The following USP54 variants were observed in gnomAD, a reference collection of about 807,000 sequenced individuals.
USP54 encodes ubiquitin carboxyl-terminal hydrolase 54.
In USP54, 87 loss-of-function variants were observed where a neutral mutation model predicts 170.5. That is an observed-to-expected ratio of 0.51 (90% CI 0.43 to 0.61). USP54 has a LOEUF of 0.61. Among genes scored for constraint, USP54 ranks in the 20% least tolerant of loss-of-function variants. The pLI is 0.00. For synonymous variants in USP54, 655 were observed against 742.8 expected (o/e 0.88, Z 1.92); for missense variants, 1,786 against 2,047.8 (o/e 0.87, Z 2.47).
Position 73,542,787 on chromosome 10 carries a change from A to G in USP54, c.572+16T>C. 6.2e-7 allele frequency: 1 copy of G among 1,612,362 alleles called. No individual in the cohort carries two copies. The highest frequency in any genetic ancestry group is 1.1e-5 in the South Asian group (1 of 90,576). On this transcript the variant is annotated intron_variant, in intron 7 of 23. Transcript: ENST00000687698. ...GGAATGCCTAAACGCACAACAGAAA[A>G]TCTTGTAAGACTCACCAAAGGGAAG...
chr10:73,585,671 T>A (rs1300573719), intron 1 of USP54, among the ~76,000 whole-genome samples: 1 of 152,254 alleles, frequency 6.6e-6, no homozygotes, highest in Non-Finnish European at 1.5e-5. Context: ...CACTGAATCA[T>A]GTTCATGATT....
chr10:73,552,484 C>CAT (rs2133619064), intron 4 of USP54, among the ~76,000 whole-genome samples: 1 of 151,884 alleles, frequency 6.6e-6, no homozygotes, highest in African/African-American at 2.4e-5. Context: ...CACACACACA[C>CAT]ACATATATAT....
chr10:73,534,077 G>A lies in USP54; in HGVS notation c.1315+523C>T, dbSNP rs535064886. ...CTTTATTGACATGCTGCTATTGACA[G>A]GAGTATGTGCAATGGAGCATCACGG... On this transcript the variant is annotated intron_variant, in intron 12 of 23. Coordinates refer to ENST00000687698, the MANE Select transcript of USP54 (RefSeq NM_001391956.1). Among the ~76,000 whole-genome samples the A allele has an allele frequency of 4.6e-5, 7 of 152,318 alleles. No individual in the cohort carries two copies. In the East Asian group the frequency reaches 1.4e-3, roughly 29 times the overall value.
chr10:73,499,431 A>G (rs1589745082), intron 23 of USP54, among the ~76,000 whole-genome samples: 1 of 151,700 alleles, frequency 6.6e-6, no homozygotes, highest in Non-Finnish European at 1.5e-5. Flanking sequence ...CCATACCTCT[A>G]CCTCCCTCCA....
chr10:73,581,381 C>T (rs1488081171), intron 1 of USP54, among the ~76,000 whole-genome samples: 6 of 152,186 alleles, frequency 3.9e-5, no homozygotes, highest in Admixed American at 3.9e-4. Context: ...TGTGGGTAAG[C>T]CAAAAACCTT....
At chr10:73,520,424 G>A (rs1045104157) in intron 18 of USP54, among the ~76,000 whole-genome samples, 4 of 152,154 alleles carry the variant, frequency 2.6e-5, no homozygotes, top group Non-Finnish European at 5.9e-5. Flanking sequence ...CATACAAGAA[G>A]CTGATACCAA....
intron 12 of USP54, among the ~76,000 whole-genome samples, chr10:73,532,005 T>C (rs890775515): frequency 1.3e-5 from 2 of 152,190 alleles, no homozygotes; most frequent in African/African-American, 4.8e-5. Flanking sequence ...TTTCACATGA[T>C]AGCATATGAG....
At chr10:73,574,179 G>A (rs2075733819) in intron 3 of USP54, among the ~76,000 whole-genome samples, 1 of 152,130 alleles carries the variant, frequency 6.6e-6, no homozygotes, top group Non-Finnish European at 1.5e-5. Flanking sequence ...AGAAAGCTTT[G>A]GGATTCTAAG....
At chr10:73,578,982 C>T (rs1311294656) in intron 1 of USP54, among the ~76,000 whole-genome samples, 5 of 150,406 alleles carry the variant, frequency 3.3e-5, no homozygotes, top group South Asian at 2.1e-4. Flanking sequence ...CCTCTGTCGC[C>T]CAGGTTGGAG....
In USP54 at chr10:73,530,431, T is replaced by C; in HGVS notation, c.1540A>G (p.Asn514Asp). 1 of 1,614,234 alleles carries C rather than the reference T, an allele frequency of 6.2e-7. No homozygotes were observed. Among genetic ancestry groups the C allele is most frequent in the Non-Finnish European group, 8.5e-7 (1 of 1,180,038 alleles). The change falls in exon 14 of 24, where the codon AAT (asparagine) becomes GAT (aspartate). Residue 514 changes from asparagine to aspartate, a missense_variant. By Grantham distance (23) the Asn-to-Asp change is conservative. Coordinates refer to ENST00000687698, the MANE Select transcript of USP54 (RefSeq NM_001391956.1). ...AGGGATGGTCTGTTATGGATCATATTGCTGACTGTCTCTTTAAAATCTCTC... is the reference window on the plus strand; with the variant it reads ...AGGGATGGTCTGTTATGGATCATATCGCTGACTGTCTCTTTAAAATCTCTC... ...RLRDFKETVS[N>D]MIHNRPSLAS... is the part of the protein sequence containing the mutation.
At chr10:73,542,742 A>C (rs1008318313) in intron 7 of USP54, 61 bp downstream of exon 7, 37 of 1,548,236 alleles carry the variant, frequency 2.4e-5, no homozygotes, top group Non-Finnish European at 2.9e-5. Flanking sequence ...AAAAAAAAAA[A>C]AAAAGTCCAA....
At chr10:73,614,902 C>T (rs1416783866) in intron 1 of USP54, among the ~76,000 whole-genome samples, 1 of 150,350 alleles carries the variant, frequency 6.7e-6, no homozygotes, top group Non-Finnish European at 1.5e-5. Context: ...AATTTTAGCA[C>T]ATCAACGGAC....
intron 4 of USP54, among the ~76,000 whole-genome samples, chr10:73,563,727 GCA>G (rs1278792376): frequency 6.6e-6 from 1 of 151,960 alleles, no homozygotes; most frequent in Admixed American, 6.6e-5. Flanking sequence ...GTGAGCCACC[GCA>G]CCCAGCCTTT....
intron 22 of USP54, among the ~76,000 whole-genome samples, chr10:73,501,700 C>T (rs2058147055): frequency 6.6e-6 from 1 of 152,120 alleles, no homozygotes; most frequent in African/African-American, 2.4e-5. Context: ...GTGATATGGC[C>T]CTGCTGCTCC....
chr10:73,524,271 C>T (rs918897711), intron 16 of USP54, among the ~76,000 whole-genome samples: 2 of 151,644 alleles, frequency 1.3e-5, no homozygotes, highest in Non-Finnish European at 1.5e-5. Context: ...GGCACTTGGG[C>T]CAGGAATAAT....
intron 17 of USP54, among the ~76,000 whole-genome samples, chr10:73,522,208 T>A (rs1049695897): frequency 6.6e-6 from 1 of 152,242 alleles, no homozygotes; most frequent in East Asian, 1.9e-4. Flanking sequence ...GGATCCACTC[T>A]ATCTCTAGAG....
intron 22 of USP54, 98 bp from the exon 23 acceptor site, chr10:73,500,936 G>T: frequency 1.5e-6 from 2 of 1,322,978 alleles, no homozygotes; most frequent in Admixed American, 3.0e-5. Flanking sequence ...GGGAAATGGA[G>T]GGAACCAGAG....
At chr10:73,601,793 T>C (rs2132268188) in intron 1 of USP54, among the ~76,000 whole-genome samples, 1 of 152,344 alleles carries the variant, frequency 6.6e-6, no homozygotes, top group East Asian at 1.9e-4. Flanking sequence ...CATGGAATCA[T>C]TTCCTGGTCT....
At chr10:73,611,188 C>T (rs1436520556) in intron 1 of USP54, among the ~76,000 whole-genome samples, 1 of 152,014 alleles carries the variant, frequency 6.6e-6, no homozygotes, top group East Asian at 1.9e-4. Context: ...ATGAAAGTAT[C>T]CCTGAAACTA....
Sources: gnomAD v4.1 joint callset for allele counts (sites outside exome capture counted in the v4.1 genomes callset) on GRCh38, gnomAD v4.1.1 for gene constraint, MANE v1.5 for transcripts, NCBI Gene and HGNC (gene_info 2026-07-23, HGNC 2026-07-21) for gene names.